Variants in LSS observed in about 807,000 individuals in gnomAD.
The protein encoded by LSS is lanosterol synthase.
A neutral mutation model predicts 110.3 loss-of-function variants in LSS; 90 were observed. The observed-to-expected ratio is 0.82, with a 90% CI of 0.69 to 0.97. The LOEUF is 0.97. LSS is among the 50% of genes least tolerant of loss of function. LSS has a pLI of 0.00. For missense variants in LSS, 927 were observed against 990.0 expected (o/e 0.94, Z 0.85); for synonymous variants, 433 against 400.0 (o/e 1.08, Z -0.98).
chr21:46,217,555 T>TC lies in LSS; in HGVS notation c.648-1032dup, dbSNP rs201710238. On this transcript the variant is annotated intron_variant, in intron 6 of 21. Transcript: ENST00000397728. ...ACTTACTTAAAAGGGTGTTTTTTTT[T>TC]CTCACATTTTGGGTTACACTTCCAG... 5.7e-3 allele frequency among the ~76,000 whole-genome samples: 871 copies of TC among 152,272 alleles called. 21 individuals are homozygous for TC. Among genetic ancestry groups the TC allele is most frequent in the East Asian group, 7.2e-3 (37 of 5,174 alleles).
At position 46,194,003 on chromosome 21, in the gene LSS, T is replaced by C. The variant is rs187169719; in HGVS notation, c.1988+488A>G. Among the ~76,000 whole-genome samples, 24 of 152,290 alleles carry C rather than the reference T, an allele frequency of 1.6e-4. No homozygotes were observed. The East Asian group carries it at 4.4e-3, about 28-fold the overall frequency. On this transcript the variant is annotated intron_variant, in intron 20 of 21. Transcript: ENST00000397728. ...GTGTGCATAGGCCTGTGTGTGCATC[T>C]GTCTCCATGTACATCTGTGTGTGCA...
chr21:46,209,523 G>T lies in LSS; in HGVS notation c.1266+31C>A. 6.3e-7 allele frequency: 1 copy of T among 1,577,224 alleles called. No individual in the cohort carries two copies. Among genetic ancestry groups the T allele is most frequent in the Non-Finnish European group, 8.6e-7 (1 of 1,160,188 alleles). ...CTCCCAGCCCTGATCCCCCTCTTCA[G>T]CCCCCTCAGAGCCCCAGGCACCGGC... is the stretch of plus-strand genomic sequence containing the variant. On this transcript the variant is annotated intron_variant, in intron 13 of 21. Transcript: ENST00000397728. The surrounding 1 kb of genome is among the most constrained non-coding windows in gnomAD (Gnocchi z 4.4).
In LSS at chr21:46,213,089, G is replaced by C. The variant is rs774056441; in HGVS notation, c.1110-37C>G. ...AAAAAGCCCAAGTCAGGTGCAAGGA[G>C]AAAGCTGGAAGCCCAGCTGCTACCC... On this transcript the variant is annotated intron_variant, in intron 10 of 21. Coordinates refer to ENST00000397728, the MANE Select transcript of LSS (RefSeq NM_002340.6). 3 of 1,608,222 alleles carry C rather than the reference G, an allele frequency of 1.9e-6. No individual in the cohort carries two copies. The African/African-American group carries it at 4.0e-5, about 22-fold the overall frequency.
chr21:46,196,382 T>C (rs1376975061), intron 17 of LSS, 115 bp from the exon 18 acceptor site: 2 of 853,156 alleles, frequency 2.3e-6, no homozygotes, highest in African/African-American at 1.7e-5. Context: ...AAAAACCACA[T>C]AAAAATAAAC....
At chr21:46,211,165 T>C (rs191156983) in intron 11 of LSS, among the ~76,000 whole-genome samples, 22 of 152,258 alleles carry the variant, frequency 1.4e-4, no homozygotes, top group Admixed American at 3.3e-4. Context: ...CTCGCTCTGT[T>C]GCCCAGGCTG....
intron 4 of LSS, 172 bp downstream of exon 4, chr21:46,222,458 C>G (rs1310309347): frequency 1.7e-5 from 10 of 597,190 alleles, no homozygotes; most frequent in Non-Finnish European, 3.0e-5. Context: ...CGAGGCCCCA[C>G]CTGCATGGCC....
rs1440792268 is a variant in LSS, at chr21:46,221,965, C to T, written c.439G>A (p.Asp147Asn). Residue 147 changes from aspartate to asparagine, a missense_variant, in exon 5 of 22, where the codon GAT (aspartate) becomes AAT (asparagine). Asp to Asn is a conservative substitution (Grantham distance 23). Transcript: ENST00000397728. ...PDGGWGLHIE[D>N]KSTVFGTALN... is the part of the protein sequence containing the mutation. ...GCAGTCCCAAACACGGTGGACTTATCCTCAATGTGCCTACAGGAGCAGAGG... is the reference window on the plus strand; with the variant it reads ...GCAGTCCCAAACACGGTGGACTTATTCTCAATGTGCCTACAGGAGCAGAGG... 6.2e-7 allele frequency: 1 copy of T among 1,614,178 alleles called. No individual in the cohort carries two copies. Among genetic ancestry groups the T allele is most frequent in the Non-Finnish European group, 8.5e-7 (1 of 1,180,046 alleles).
At chr21:46,220,723 T>C (rs532772072) in intron 5 of LSS, among the ~76,000 whole-genome samples, 1 of 151,986 alleles carries the variant, frequency 6.6e-6, no homozygotes, top group South Asian at 2.1e-4. Flanking sequence ...CCTCAGGGCC[T>C]ATAGGCAAGA....
chr21:46,212,950 A>G (rs1370056530), intron 11 of LSS, 75 bp downstream of exon 11: 1 of 1,576,898 alleles, frequency 6.3e-7, no homozygotes, highest in Non-Finnish European at 8.7e-7. Flanking sequence ...GTTATTTCTG[A>G]ACCCCAAAGG....
chr21:46,200,632 C>CA (rs1346628838), intron 17 of LSS, among the ~76,000 whole-genome samples: 21 of 151,146 alleles, frequency 1.4e-4, no homozygotes. Flanking sequence ...ACAAAGTCAT[C>CA]AAACACAAGG....
Position 46,205,853 on chromosome 21 carries a change from G to A in LSS, c.1653C>T (p.His551=), listed in dbSNP as rs199915738. ...CTCCTTACCGGATCTCCGCTGCCCT[G>A]TGCTCCGGGAAACGCTTGTGGAAAT... ...LKYFHKRFPE[H]RAAEIRETLT... The change falls in exon 17 of 22, where the codon CAC becomes CAT. Residue 551 remains histidine, a synonymous_variant. Transcript: ENST00000397728. 2.6e-5 allele frequency: 42 copies of A among 1,607,716 alleles called. No homozygotes were observed. In the East Asian group the frequency reaches 8.5e-4, roughly 32 times the overall value.
chr21:46,228,612 G>A lies in LSS; in HGVS notation c.15-13C>T, dbSNP rs992178133. On this transcript the variant is annotated splice_polypyrimidine_tract_variant and intron_variant, in intron 1 of 21. Transcript: ENST00000397728. ...GCGCCGCAGACACCTGAGGACCACC[G>A]GCCATCAGCGACCCAGGCCCCGCCC... The A allele has an allele frequency of 3.1e-5, 49 of 1,591,658 alleles. No individual in the cohort carries two copies. The highest frequency in any genetic ancestry group is 3.8e-5 in the Non-Finnish European group (45 of 1,175,824).
intron 20 of LSS, among the ~76,000 whole-genome samples, chr21:46,193,939 T>C (rs1275527786): frequency 6.6e-6 from 1 of 150,792 alleles, no homozygotes; most frequent in Admixed American, 6.6e-5. Context: ...TGCATCTGTA[T>C]GTGTGTGGAC....
chr21:46,214,968 C>G (rs984406202), intron 9 of LSS, among the ~76,000 whole-genome samples: 2 of 151,898 alleles, frequency 1.3e-5, no homozygotes, highest in Non-Finnish European at 2.9e-5. Flanking sequence ...AGCGGGGGGT[C>G]GAGTGTGGTG....
At chr21:46,217,209 A>C (rs1050322181) in intron 6 of LSS, among the ~76,000 whole-genome samples, 4 of 150,132 alleles carry the variant, frequency 2.7e-5, no homozygotes, top group African/African-American at 9.8e-5. Flanking sequence ...GTGCCACTGC[A>C]CACAGCCTGG....
At chr21:46,194,202 C>T (rs1193545185) in intron 20 of LSS, among the ~76,000 whole-genome samples, 1 of 152,224 alleles carries the variant, frequency 6.6e-6, no homozygotes, top group South Asian at 2.1e-4. Context: ...CTCGCTGTTT[C>T]CATGGGTCCC....
At chr21:46,208,407 C>A (rs536520751) in intron 13 of LSS, 106 bp from the exon 14 acceptor site, 46 of 1,028,358 alleles carry the variant, frequency 4.5e-5, no homozygotes, top group African/African-American at 4.0e-4. Context: ...AGAGGCAGAA[C>A]GTGCCTGGGA....
chr21:46,210,874 C>A, intron 11 of LSS, 130 bp from the exon 12 acceptor site: 1 of 811,806 alleles, frequency 1.2e-6, no homozygotes, highest in Non-Finnish European at 2.0e-6. Flanking sequence ...CAGCCTCAGG[C>A]TCTGAGCCCT....
rs1352749756 is a variant in LSS, at chr21:46,222,623, C to T, written c.428+7G>A. 2 of 1,611,246 alleles carry T rather than the reference C, an allele frequency of 1.2e-6. No homozygotes were observed. The highest frequency in any genetic ancestry group is 8.5e-7 in the Non-Finnish European group (1 of 1,178,632). On this transcript the variant is annotated splice_region_variant and intron_variant, in intron 4 of 21. Coordinates refer to ENST00000397728, the MANE Select transcript of LSS (RefSeq NM_002340.6). ...ATGTGCAGTGACACAGGGGCAGGCA[C>T]ACTCACAGGCCCCAGCCACCGTCAG... is the stretch of plus-strand genomic sequence containing the variant.
Sources: gnomAD v4.1 joint callset for allele counts (sites outside exome capture counted in the v4.1 genomes callset) on GRCh38, gnomAD v4.1.1 for gene constraint, Gnocchi (gnomAD v3.1) non-coding constraint, MANE v1.5 for transcripts, NCBI Gene and HGNC (gene_info 2026-07-23, HGNC 2026-07-21) for gene names.